The following PNCK variants were observed in gnomAD, a reference collection of about 807,000 sequenced individuals.
PNCK encodes the protein pregnancy up-regulated nonubiquitous CaM kinase, also known as calcium/calmodulin-dependent protein kinase type 1B.
A neutral mutation model predicts 28.3 loss-of-function variants in PNCK; 21 were observed. That is an observed-to-expected ratio of 0.74 (90% CI 0.53 to 1.07). The LOEUF is 1.07. PNCK is among the 50% of genes least tolerant of loss of function. The pLI is 0.00. For missense variants in PNCK, 250 were observed against 298.3 expected (o/e 0.84, Z 1.19); for synonymous variants, 136 against 125.2 (o/e 1.09, Z -0.58).
intron 11 of PNCK, 130 bp downstream of exon 11, chrX:153,670,320 C>T: frequency 1.0e-6 from 1 of 976,780 alleles, no homozygotes; most frequent in East Asian, 3.3e-5. Flanking sequence ...GCTCCTCCCT[C>T]TGCTCTCTGC....
chrX:153,676,453 G>A (rs782380338), upstream of PNCK, among the ~76,000 whole-genome samples: 7 of 112,276 alleles, frequency 6.2e-5, no homozygotes, highest in Admixed American at 9.5e-5. Context: ...ACAGTAGCAA[G>A]GACAAACGGC....
chrX:153,673,659 C>T, intron 1 of PNCK, 121 bp downstream of exon 1: 1 of 391,543 alleles, frequency 2.6e-6, no homozygotes. Flanking sequence ...CGAGCGCGTG[C>T]GGGCAGGGGG....
rs1461506307 is a variant in PNCK at position 153,684,646 on chromosome X, C to T, written c.-3+2785G>A. 2.7e-5 allele frequency among the ~76,000 whole-genome samples: 3 copies of T among 111,255 alleles called. No individual in the cohort carries two copies. The East Asian group carries it at 8.5e-4, about 32-fold the overall frequency. ...CCCGGCTCGCCTTCAGAAGAGGAGG[C>T]GCCCCCATCCTGTCTCCAGCTGCCC... On this transcript the variant is annotated intron_variant, in intron 1 of 3. Coordinates refer to the PNCK transcript ENST00000419804.
intron 1 of PNCK, among the ~76,000 whole-genome samples, chrX:153,679,954 A>C (rs1348146216): frequency 1.8e-5 from 2 of 110,921 alleles, no homozygotes; most frequent in Non-Finnish European, 3.8e-5. Context: ...TGGGAGGCTG[A>C]GGCAGCAGGA....
chrX:153,681,408 G>A (rs2091395227), intron 1 of PNCK, among the ~76,000 whole-genome samples: 1 of 111,528 alleles, frequency 9.0e-6, no homozygotes, highest in East Asian at 2.8e-4. Context: ...GGTCTACATG[G>A]CCCCCGATGA....
intron 1 of PNCK, among the ~76,000 whole-genome samples, chrX:153,683,821 C>T (rs144048097): frequency 9.0e-6 from 1 of 111,689 alleles, no homozygotes; most frequent in Admixed American, 9.5e-5. Flanking sequence ...GGCCACAGGA[C>T]CTTGAGTCAT....
chrX:153,682,052 G>A (rs113214688), intron 1 of PNCK, among the ~76,000 whole-genome samples: 1 of 107,579 alleles, frequency 9.3e-6, no homozygotes, highest in Non-Finnish European at 1.9e-5. Flanking sequence ...GCAGTGGCGC[G>A]ATCTCAGCTC....
chrX:153,672,253 C>A, intron 3 of PNCK, 53 bp from the exon 4 acceptor site: 1 of 1,102,607 alleles, frequency 9.1e-7, no homozygotes, highest in Non-Finnish European at 1.2e-6. Context: ...GGTGCTCTGT[C>A]CTGAGGCCCT....
intron 1 of PNCK, among the ~76,000 whole-genome samples, chrX:153,681,028 C>CAAAAA (rs782745110): frequency 6.6e-5 from 2 of 30,208 alleles, no homozygotes; most frequent in African/African-American, 1.9e-4. Flanking sequence ...GAACCTGTCT[C>CAAAAA]AAAAAAAAAA....
At chrX:153,673,673 G>T in intron 1 of PNCK, 107 bp downstream of exon 1, 2 of 461,972 alleles carry the variant, frequency 4.3e-6, no homozygotes, top group Non-Finnish European at 5.4e-6. Flanking sequence ...CAGGGGGCGC[G>T]CCAGGCGTGA....
chrX:153,683,083 G>A (rs1236760446), intron 1 of PNCK, among the ~76,000 whole-genome samples: 1 of 112,330 alleles, frequency 8.9e-6, no homozygotes, highest in Non-Finnish European at 1.9e-5. Context: ...GAGGAGACTG[G>A]AGTTTTATTA....
chrX:153,683,151 A>AT (rs1361915272), intron 1 of PNCK, among the ~76,000 whole-genome samples: 1 of 111,689 alleles, frequency 9.0e-6, no homozygotes, highest in African/African-American at 3.3e-5. Context: ...TTTATTTTTT[A>AT]TTTTTTTGAG....
Position 153,671,979 on chromosome X carries a change from G to A in PNCK, c.315C>T (p.Arg105=), listed in dbSNP as rs924334992. ...GGELFDRIME[R]GSYTEKDASH... ...TGGCATCCTTCTCTGTGTAGGAGCC[G>A]CGCTCCATGATGCGGTCAAACAGCT... Residue 105 remains arginine (R), a synonymous_variant, in exon 5 of 12, where the codon CGC becomes CGT. Transcript: ENST00000340888. The A allele has an allele frequency of 7.4e-6, 9 of 1,209,429 alleles. No individual in the cohort carries two copies. Among genetic ancestry groups the A allele is most frequent in the Non-Finnish European group, 6.7e-6 (6 of 895,105 alleles).
chrX:153,672,208 G>A lies in PNCK; in HGVS notation c.201-8C>T. ...ATGTTGGGGTGACTGATCCTGCAAT[G>A]GCAAGGAAGCGCCTGTGGGCCAACA... On this transcript the variant is annotated splice_polypyrimidine_tract_variant and splice_region_variant and intron_variant, in intron 3 of 11. Transcript: ENST00000340888. The A allele has an allele frequency of 8.3e-7, 1 of 1,198,921 alleles. No individual in the cohort carries two copies. The highest frequency in any genetic ancestry group is 1.1e-6 in the Non-Finnish European group (1 of 889,088).
intron 1 of PNCK, among the ~76,000 whole-genome samples, chrX:153,681,019 A>T (rs2091393132): frequency 1.0e-5 from 1 of 96,943 alleles, no homozygotes; most frequent in Admixed American, 1.1e-4. Context: ...ACAGAGTGAG[A>T]ACCTGTCTCA....
upstream of PNCK, among the ~76,000 whole-genome samples, chrX:153,679,824 G>T (rs782197171): frequency 2.0e-3 from 223 of 109,931 alleles, no homozygotes; most frequent in African/African-American, 7.1e-3. Context: ...CACCTGCCTC[G>T]GCCTCCCAAA....
chrX:153,673,270 T>A, intron 1 of PNCK, 192 bp from the exon 2 acceptor site: 1 of 1,190,877 alleles, frequency 8.4e-7, no homozygotes, highest in East Asian at 3.0e-5. Context: ...CGCCTCCACA[T>A]CCCAGGCCTA....
upstream of PNCK, among the ~76,000 whole-genome samples, chrX:153,675,552 C>G (rs1470185157): frequency 1.8e-5 from 2 of 110,209 alleles, no homozygotes; most frequent in Non-Finnish European, 1.9e-5. Flanking sequence ...TTGTTTGAGA[C>G]AGGGTCTCAC....
At chrX:153,677,425 G>A (rs183603450), upstream of PNCK, among the ~76,000 whole-genome samples, 2 of 110,075 alleles carry the variant, frequency 1.8e-5, no homozygotes, top group Non-Finnish European at 3.8e-5. Context: ...TGGTGTTGGA[G>A]ACGAAGATCT....
Sources: allele counts gnomAD v4.1 joint callset (sites outside exome capture counted in the v4.1 genomes callset), GRCh38; gene constraint gnomAD v4.1.1; transcripts MANE v1.5; gene names NCBI Gene and HGNC (gene_info 2026-07-23, HGNC 2026-07-21).